The following PCDHGB7 variants were observed in gnomAD, a reference collection of about 807,000 sequenced individuals.
The protein encoded by PCDHGB7 is protocadherin gamma-B7.
In PCDHGB7, 37 loss-of-function variants were observed where a neutral mutation model predicts 61.4. The observed-to-expected ratio is 0.60, with a 90% CI of 0.46 to 0.79. PCDHGB7 has a LOEUF of 0.79. PCDHGB7 is among the 30% of genes least tolerant of loss of function. PCDHGB7 has a pLI of 0.00. For missense variants in PCDHGB7, 1,166 were observed against 1,202.5 expected (o/e 0.97, Z 0.45); for synonymous variants, 464 against 503.5 (o/e 0.92, Z 1.05).
intron 1 of PCDHGB7, among the ~76,000 whole-genome samples, chr5:141,460,764 G>A (rs2098996981): frequency 6.6e-6 from 1 of 150,516 alleles, no homozygotes; most frequent in Admixed American, 6.7e-5. Flanking sequence ...TATACATATT[G>A]CATATGTATG....
Position 141,419,243 on chromosome 5 carries a change from C to T in PCDHGB7, c.1384C>T (p.Pro462Ser), listed in dbSNP as rs959206942. The change falls in exon 1 of 4, where the codon CCA (proline) becomes TCA (serine). Residue 462 changes from proline to serine, a missense_variant. By Grantham distance (74) the Pro-to-Ser change is moderately conservative. Transcript: ENST00000398594. Reference sequence around the variant, plus strand: ...ACAGTCAGCCTACCTGGTCCACGTGCCAGAAAACAACCAGCCGGGTGCCTC... The same window carrying T: ...ACAGTCAGCCTACCTGGTCCACGTGTCAGAAAACAACCAGCCGGGTGCCTC... ...FGQSAYLVHVPENNQPGASIA... is the reference protein window; with the variant it reads ...FGQSAYLVHVSENNQPGASIA... The T allele has an allele frequency of 1.2e-6, 2 of 1,613,998 alleles. No homozygotes were observed. Among genetic ancestry groups the T allele is most frequent in the East Asian group, 4.5e-5 (2 of 44,890 alleles).
chr5:141,444,280 T>C (rs1217749098), intron 1 of PCDHGB7, among the ~76,000 whole-genome samples: 1 of 147,614 alleles, frequency 6.8e-6, no homozygotes, highest in East Asian at 2.1e-4. Context: ...CAAGTGATTC[T>C]CCTGCCTCAG....
At position 141,431,174 on chromosome 5, in the gene PCDHGB7, G is replaced by C. The variant is rs568632160; in HGVS notation, c.2415+10900G>C. 6.2e-7 allele frequency: 1 copy of C among 1,614,224 alleles called. No individual in the cohort carries two copies. The highest frequency in any genetic ancestry group is 1.1e-5 in the South Asian group (1 of 91,088). ...GCCTTACTTTCGTGAAAGTGAATTA[G>C]AAATAAAAATTAGTGAAAATGCAGC... is the stretch of plus-strand genomic sequence containing the variant. On this transcript the variant is annotated intron_variant, in intron 1 of 3. Coordinates refer to ENST00000398594, the MANE Select transcript of PCDHGB7 (RefSeq NM_018927.4). This position sits in a 1 kb window ranked among gnomAD's most constrained non-coding sequence, Gnocchi z 4.8.
intron 2 of PCDHGB7, among the ~76,000 whole-genome samples, chr5:141,504,713 G>A (rs1443171981): frequency 1.3e-5 from 2 of 151,850 alleles, no homozygotes; most frequent in African/African-American, 2.4e-5. Context: ...TATGGCCGTG[G>A]ATTTTACTCT....
At chr5:141,452,954 T>A (rs1315313825) in intron 1 of PCDHGB7, among the ~76,000 whole-genome samples, 5 of 152,220 alleles carry the variant, frequency 3.3e-5, no homozygotes, top group Non-Finnish European at 1.5e-5. Context: ...ATTGGTTGTC[T>A]TTAAACTGAG....
rs3074545 is a variant in PCDHGB7, at chr5:141,482,530, C to CAAAAAAA, written c.2416-12264_2416-12258dup. On this transcript the variant is annotated intron_variant, in intron 1 of 3. Coordinates refer to ENST00000398594, the MANE Select transcript of PCDHGB7 (RefSeq NM_018927.4). ...CAGAGTACAGTATGAGACAGACATG[C>CAAAAAAA]AAAAAAAAAAAAAAAAAAAGATAAT... Among the ~76,000 whole-genome samples the CAAAAAAA allele has an allele frequency of 6.5e-4, 50 of 76,534 alleles. 2 individuals are homozygous for CAAAAAAA. The highest frequency in any genetic ancestry group is 1.7e-3 in the African/African-American group (35 of 20,860). 50.2% of individuals were successfully genotyped at this position (76,534 alleles called of 152,430 possible).
chr5:141,487,068 T>C lies in PCDHGB7; in HGVS notation c.2416-7739T>C. ...TATGCTGGGGAGGTGCGGACGGCTG[T>C]TCCTATCCCAGCTGACCTCCCACCA... On this transcript the variant is annotated intron_variant, in intron 1 of 3. Transcript: ENST00000398594. The surrounding 1 kb of genome is among the most constrained non-coding windows in gnomAD (Gnocchi z 5.0). The C allele has an allele frequency of 6.2e-7, 1 of 1,614,166 alleles. No individual in the cohort carries two copies. The highest frequency in any genetic ancestry group is 8.5e-7 in the Non-Finnish European group (1 of 1,180,016).
intron 1 of PCDHGB7, chr5:141,478,188 C>T (rs770414950): frequency 4.3e-6 from 7 of 1,613,920 alleles, no homozygotes; most frequent in Non-Finnish European, 5.9e-6. Flanking sequence ...AAAAATCTCA[C>T]CTTTTATCTA....
At chr5:141,510,139 G>T (rs931012964) in intron 3 of PCDHGB7, among the ~76,000 whole-genome samples, 1 of 152,136 alleles carries the variant, frequency 6.6e-6, no homozygotes, top group Non-Finnish European at 1.5e-5. Context: ...CTGGGCTAGT[G>T]GTGTGCACCT....
chr5:141,509,024 C>T (rs2099873840), intron 3 of PCDHGB7, among the ~76,000 whole-genome samples: 1 of 152,108 alleles, frequency 6.6e-6, no homozygotes, highest in African/African-American at 2.4e-5. Flanking sequence ...GCTGCTCCCT[C>T]CCACTCAACC....
intron 1 of PCDHGB7, chr5:141,429,251 A>C (rs2097199889): frequency 6.6e-6 from 1 of 151,884 alleles, no homozygotes; most frequent in Non-Finnish European, 1.5e-5. Context: ...GAGATATTTT[A>C]ATTGAGGAAT....
rs779391932 is a variant in PCDHGB7, at chr5:141,419,996, C to T, written c.2137C>T (p.Leu713=). ...FLLAVILAIA[L]RLRQSFSPTA... Reference sequence around the variant, plus strand: ...CCTCGCGGTGATTCTAGCTATTGCTCTACGCCTGCGACAGTCTTTCAGCCC... The same window carrying T: ...CCTCGCGGTGATTCTAGCTATTGCTTTACGCCTGCGACAGTCTTTCAGCCC... Residue 713 remains leucine, a synonymous_variant, in exon 1 of 4, where the codon CTA becomes TTA. Coordinates refer to ENST00000398594, the MANE Select transcript of PCDHGB7 (RefSeq NM_018927.4). 10 of 1,613,966 alleles carry T rather than the reference C, an allele frequency of 6.2e-6. No homozygotes were observed. In the East Asian group the frequency reaches 2.2e-4, roughly 36 times the overall value.
In PCDHGB7 at chr5:141,476,606, G is replaced by A; in HGVS notation, c.2416-18201G>A. 1 of 1,614,244 alleles carries A rather than the reference G, an allele frequency of 6.2e-7. No homozygotes were observed. Among genetic ancestry groups the A allele is most frequent in the Non-Finnish European group, 8.5e-7 (1 of 1,180,046 alleles). Reference sequence around the variant, plus strand: ...GCTCGAGAGCGCGCACGATCCCGATGTGGGAAGCAACTCTTTACAAACCTA... The same window carrying A: ...GCTCGAGAGCGCGCACGATCCCGATATGGGAAGCAACTCTTTACAAACCTA... On this transcript the variant is annotated intron_variant, in intron 1 of 3. Transcript: ENST00000398594. The surrounding 1 kb of genome is among the most constrained non-coding windows in gnomAD (Gnocchi z 7.6).
At chr5:141,470,059 G>A (rs1206799372) in intron 1 of PCDHGB7, among the ~76,000 whole-genome samples, 6 of 152,186 alleles carry the variant, frequency 3.9e-5, no homozygotes, top group African/African-American at 1.4e-4. Context: ...AACCCCGGAG[G>A]CAGAGACTGT....
chr5:141,422,166 T>G (rs370704205), intron 1 of PCDHGB7: 30 of 1,569,256 alleles, frequency 1.9e-5, no homozygotes, highest in Non-Finnish European at 2.5e-5. Flanking sequence ...TTGAAAAATA[T>G]AGATTCTATG....
At chr5:141,422,040 C>T (rs1045003805) in intron 1 of PCDHGB7, 10 of 1,611,324 alleles carry the variant, frequency 6.2e-6, no homozygotes, top group African/African-American at 4.0e-5. Context: ...CGGATCCAGA[C>T]GAGGGAATCA....
rs1230384508 is a variant in PCDHGB7 at position 141,490,990 on chromosome 5, C to T, written c.2416-3817C>T. On this transcript the variant is annotated intron_variant, in intron 1 of 3. Coordinates refer to ENST00000398594, the MANE Select transcript of PCDHGB7 (RefSeq NM_018927.4). The surrounding 1 kb of genome is among the most constrained non-coding windows in gnomAD (Gnocchi z 5.4). ...CCCCCAGCGTCTCCCTCGCTCTGCT[C>T]CTCCTGGCTCCTTGGTCACCAAGGT... 6 of 1,614,102 alleles carry T rather than the reference C, an allele frequency of 3.7e-6. No homozygotes were observed. The highest frequency in any genetic ancestry group is 1.3e-5 in the African/African-American group (1 of 75,064).
Position 141,437,358 on chromosome 5 carries a change from T to C in PCDHGB7, c.2415+17084T>C, listed in dbSNP as rs115917828. ...CTTCACTGTTTTATAGTACCTAAAATTGGAATGTAATCAGTCAGAAGACAT... is the reference window on the plus strand; with the variant it reads ...CTTCACTGTTTTATAGTACCTAAAACTGGAATGTAATCAGTCAGAAGACAT... On this transcript the variant is annotated intron_variant, in intron 1 of 3. Coordinates refer to ENST00000398594, the MANE Select transcript of PCDHGB7 (RefSeq NM_018927.4). 4.6e-3 allele frequency among the ~76,000 whole-genome samples: 702 copies of C among 152,356 alleles called. 4 individuals carry two copies. Among genetic ancestry groups the C allele is most frequent in the African/African-American group, 0.015 (639 of 41,574 alleles).
At chr5:141,475,282 G>C (rs942761003) in intron 1 of PCDHGB7, among the ~76,000 whole-genome samples, 2 of 152,150 alleles carry the variant, frequency 1.3e-5, no homozygotes, top group African/African-American at 4.8e-5. Context: ...TGAAAGACAG[G>C]GTAGGGAAAT....
Sources: gnomAD v4.1 joint callset for allele counts (sites outside exome capture counted in the v4.1 genomes callset) on GRCh38, gnomAD v4.1.1 for gene constraint, Gnocchi (gnomAD v3.1) non-coding constraint, MANE v1.5 for transcripts, NCBI Gene and HGNC (gene_info 2026-07-23, HGNC 2026-07-21) for gene names.